ADGB: variants seen among roughly 807,000 people sequenced by gnomAD.
ADGB encodes the protein calpain-7-like protein.
ADGB carries 172 observed loss-of-function variants against 210.5 expected under a neutral mutation model. The ratio of observed to expected loss-of-function variants is 0.82; its 90% CI spans 0.72 to 0.93. ADGB has a LOEUF of 0.93. Ranked by LOEUF, ADGB falls within the 40% of genes least tolerant of loss-of-function variation. The pLI, the probability that ADGB is intolerant of heterozygous loss-of-function variation, is 0.00. For missense variants in ADGB, 2,025 were observed against 1,964.8 expected, an observed-to-expected ratio of 1.03 and a Z score of -0.58; for synonymous variants, 658 against 662.7, an observed-to-expected ratio of 0.99 and a Z score of 0.11.
intron 29 of ADGB, among the ~76,000 whole-genome samples, chr6:146,776,631 A>G (rs577759224): frequency 6.6e-6 from 1 of 152,240 alleles, no homozygotes; most frequent in Non-Finnish European, 1.5e-5. Context: ...ACTTCAGTGG[A>G]ATCAAATACA....
chr6:146,787,080 G>A (rs1005119613), intron 32 of ADGB, among the ~76,000 whole-genome samples: 7 of 152,092 alleles, frequency 4.6e-5, no homozygotes, highest in Admixed American at 2.6e-4. Flanking sequence ...GAAGGATTCT[G>A]GATAAACTGA....
chr6:146,710,487 T>G (rs1326386539), intron 13 of ADGB, among the ~76,000 whole-genome samples: 1 of 152,150 alleles, frequency 6.6e-6, no homozygotes, highest in Non-Finnish European at 1.5e-5. Flanking sequence ...CATAAACTGA[T>G]GTTCCAAATC....
chr6:146,692,483 T>A (rs1049656178), intron 11 of ADGB, among the ~76,000 whole-genome samples: 8 of 145,582 alleles, frequency 5.5e-5, no homozygotes, highest in Non-Finnish European at 8.9e-5. Context: ...CTAAGGGAAC[T>A]TTTTTTTTAG....
intron 25 of ADGB, among the ~76,000 whole-genome samples, chr6:146,745,691 A>C (rs2114604011): frequency 1.3e-5 from 2 of 152,318 alleles, no homozygotes; most frequent in South Asian, 4.1e-4. Flanking sequence ...TTTATAGTTA[A>C]GGAACCACAC....
intron 20 of ADGB, 38 bp from the exon 21 acceptor site, chr6:146,733,082 G>A (rs1777021054): frequency 1.4e-6 from 2 of 1,393,574 alleles, no homozygotes; most frequent in Middle Eastern, 2.4e-4. Flanking sequence ...GCCAGATGAT[G>A]GTATTTTCTT....
chr6:146,727,047 A>C (rs1189284209), intron 19 of ADGB, among the ~76,000 whole-genome samples: 1 of 151,838 alleles, frequency 6.6e-6, no homozygotes, highest in Non-Finnish European at 1.5e-5. Context: ...GGTCAATGGG[A>C]CCAGTATGTC....
At chr6:146,672,919 C>A (rs1034660997) in intron 8 of ADGB, among the ~76,000 whole-genome samples, 9 of 151,650 alleles carry the variant, frequency 5.9e-5, no homozygotes, top group South Asian at 4.2e-4. Context: ...TTAGTAGAGA[C>A]AGGGTTTCAC....
chr6:146,807,741 A>G (rs1778233918), intron 35 of ADGB: 1 of 642,168 alleles, frequency 1.6e-6, no homozygotes, highest in Non-Finnish European at 2.5e-6. Flanking sequence ...TTTCCTCAGA[A>G]AGCTAGTATT....
chr6:146,644,687 C>T, intron 2 of ADGB, 86 bp from the exon 3 acceptor site: 1 of 793,652 alleles, frequency 1.3e-6, no homozygotes, highest in South Asian at 2.5e-5. Flanking sequence ...TTGACCAAAT[C>T]TATGCACTTA....
At chr6:146,800,509 A>G (rs919166333) in intron 33 of ADGB, among the ~76,000 whole-genome samples, 1 of 149,762 alleles carries the variant, frequency 6.7e-6, no homozygotes, top group Non-Finnish European at 1.5e-5. Context: ...TGAATTTTAT[A>G]TGTGTAAATT....
At chr6:146,726,584 A>G (rs573839626) in intron 19 of ADGB, among the ~76,000 whole-genome samples, 2 of 152,280 alleles carry the variant, frequency 1.3e-5, no homozygotes, top group East Asian at 3.9e-4. Context: ...TTTTTATTTT[A>G]TACTCAACTT....
At chr6:146,674,478 G>A (rs148714094) in intron 8 of ADGB, among the ~76,000 whole-genome samples, 15 of 152,300 alleles carry the variant, frequency 9.8e-5, no homozygotes, top group Admixed American at 6.5e-5. Flanking sequence ...AGCCCAGGGA[G>A]AGCAATGGCT....
At chr6:146,791,208 C>G (rs1401017087) in intron 33 of ADGB, among the ~76,000 whole-genome samples, 2 of 152,114 alleles carry the variant, frequency 1.3e-5, no homozygotes, top group Admixed American at 6.5e-5. Context: ...TCCCACTTGT[C>G]TATTTTTACT....
chr6:146,633,338 A>G (rs1781091872), intron 1 of ADGB, among the ~76,000 whole-genome samples: 1 of 152,038 alleles, frequency 6.6e-6, no homozygotes, highest in African/African-American at 2.4e-5. Context: ...GTCTTTTTCA[A>G]CATAGCAGCA....
At chr6:146,688,122 A>G (rs753366937) in intron 10 of ADGB, among the ~76,000 whole-genome samples, 1 of 152,128 alleles carries the variant, frequency 6.6e-6, no homozygotes, top group African/African-American at 2.4e-5. Context: ...CAAGATTGAC[A>G]AAGTTCTCTC....
intron 13 of ADGB, among the ~76,000 whole-genome samples, chr6:146,713,740 C>CT (rs374371945): frequency 1.3e-5 from 2 of 150,824 alleles, no homozygotes. Flanking sequence ...CAGAAGTTTT[C>CT]TTTTTTTTTA....
intron 1 of ADGB, among the ~76,000 whole-genome samples, chr6:146,600,046 C>T (rs1280653628): frequency 1.3e-5 from 2 of 152,038 alleles, no homozygotes; most frequent in East Asian, 1.9e-4. Flanking sequence ...TTCACTGATC[C>T]CTAGGATTTA....
intron 8 of ADGB, 135 bp from the exon 9 acceptor site, chr6:146,676,178 G>T: frequency 1.3e-6 from 1 of 769,400 alleles, no homozygotes; most frequent in Non-Finnish European, 1.9e-6. Flanking sequence ...ATCATGTTTT[G>T]GAGAAATTAT....
chr6:146,600,107 A>C (rs1780531260), intron 1 of ADGB, among the ~76,000 whole-genome samples: 1 of 152,110 alleles, frequency 6.6e-6, no homozygotes, highest in South Asian at 2.1e-4. Flanking sequence ...CATGTCTGTG[A>C]ATCTCTAGTC....
Sources: allele counts gnomAD v4.1 joint callset (sites outside exome capture counted in the v4.1 genomes callset), GRCh38; gene constraint gnomAD v4.1.1; transcripts MANE v1.5; gene names NCBI Gene and HGNC (gene_info 2026-07-23, HGNC 2026-07-21).